Variants in PPFIA2 observed in about 807,000 individuals in gnomAD.
The protein encoded by PPFIA2 is PPFI scaffold protein A2, also known as liprin-alpha-2.
A neutral mutation model predicts 175.5 loss-of-function variants in PPFIA2; 46 were observed. That is an observed-to-expected ratio of 0.26 (90% CI 0.21 to 0.34). PPFIA2 has a LOEUF of 0.34. Among genes scored for constraint, PPFIA2 ranks in the 10% least tolerant of loss-of-function variants. PPFIA2 has a pLI of 1.00. For synonymous variants in PPFIA2, 568 were observed against 511.4 expected (o/e 1.11, Z -1.49); for missense variants, 1,179 against 1,506.1 (o/e 0.78, Z 3.60).
chr12:81,362,172 C>T (rs1595564922), intron 15 of PPFIA2, among the ~76,000 whole-genome samples: 2 of 149,032 alleles, frequency 1.3e-5, no homozygotes, highest in African/African-American at 2.4e-5. Flanking sequence ...TTATCTGATT[C>T]ATTTCTCTTT....
At chr12:81,659,410 C>T (rs1447804319) in intron 4 of PPFIA2, among the ~76,000 whole-genome samples, 1 of 152,212 alleles carries the variant, frequency 6.6e-6, no homozygotes, top group Non-Finnish European at 1.5e-5. Context: ...AGATTATATC[C>T]TTCACCTGGC....
chr12:81,407,613 T>C (rs1465153475), intron 7 of PPFIA2, among the ~76,000 whole-genome samples: 1 of 152,208 alleles, frequency 6.6e-6, no homozygotes, highest in Non-Finnish European at 1.5e-5. Context: ...TATACTGTCC[T>C]ACTTGAGCCC....
chr12:81,686,026 C>A (rs554143234), intron 3 of PPFIA2, among the ~76,000 whole-genome samples: 1 of 152,008 alleles, frequency 6.6e-6, no homozygotes, highest in African/African-American at 2.4e-5. Flanking sequence ...GTATTCAAAC[C>A]AAAGAGGCTG....
intron 4 of PPFIA2, among the ~76,000 whole-genome samples, chr12:81,621,268 G>C (rs773903075): frequency 2.6e-5 from 4 of 152,188 alleles, no homozygotes; most frequent in Non-Finnish European, 5.9e-5. Context: ...GCTAGGGTGT[G>C]ACTGAAGAAG....
intron 3 of PPFIA2, among the ~76,000 whole-genome samples, chr12:81,708,046 T>G (rs1445780514): frequency 1.5e-5 from 2 of 136,828 alleles, no homozygotes; most frequent in Non-Finnish European, 3.2e-5. Flanking sequence ...GGGGGAGGGA[T>G]AGCATTGGGA....
intron 2 of PPFIA2, 108 bp from the exon 3 acceptor site, chr12:81,754,331 C>A (rs2084308975): frequency 2.2e-6 from 3 of 1,345,824 alleles, no homozygotes; most frequent in Non-Finnish European, 3.0e-6. Context: ...CTATTTGTCT[C>A]TATTTCCCCT....
chr12:81,416,990 T>C (rs1398130867), intron 7 of PPFIA2, among the ~76,000 whole-genome samples: 1 of 151,776 alleles, frequency 6.6e-6, no homozygotes, highest in Non-Finnish European at 1.5e-5. Context: ...GAAATGTTAA[T>C]ATATGACTAA....
At chr12:81,367,873 T>G in intron 13 of PPFIA2, among the ~76,000 whole-genome samples, 1 of 151,704 alleles carries the variant, frequency 6.6e-6, no homozygotes, top group East Asian at 1.9e-4. Context: ...AGAATAAAAT[T>G]AAACTAAGAG....
At chr12:81,300,419 T>C (rs2047526600) in intron 22 of PPFIA2, among the ~76,000 whole-genome samples, 1 of 152,232 alleles carries the variant, frequency 6.6e-6, no homozygotes. Flanking sequence ...TATTTTCTAC[T>C]ATTAATCAAT....
intron 4 of PPFIA2, among the ~76,000 whole-genome samples, chr12:81,493,783 T>TAG (rs1361955729): frequency 1.3e-4 from 17 of 135,960 alleles, no homozygotes; most frequent in Middle Eastern, 3.9e-3. Flanking sequence ...TATATATATA[T>TAG]ATATACACAT....
At chr12:81,417,025 G>A (rs1454489796) in intron 7 of PPFIA2, among the ~76,000 whole-genome samples, 2 of 151,618 alleles carry the variant, frequency 1.3e-5, no homozygotes, top group African/African-American at 2.4e-5. Flanking sequence ...TTTACTTTAT[G>A]TATGCTAAGA....
intron 4 of PPFIA2, among the ~76,000 whole-genome samples, chr12:81,518,028 A>G (rs1446657271): frequency 6.6e-6 from 1 of 152,118 alleles, no homozygotes; most frequent in Admixed American, 6.5e-5. Context: ...AACATGGCAC[A>G]TGTATACATA....
rs1363065600 is a variant in PPFIA2, at chr12:81,353,318, C to G, written c.1795G>C (p.Glu599Gln). 3.1e-6 allele frequency: 5 copies of G among 1,613,152 alleles called. No individual in the cohort carries two copies. The South Asian group carries it at 3.3e-5, about 11-fold the overall frequency. ...CCAATCTGTTGAGTTCTATTCCACT[C>G]GTGATCCCCAAGAGATTTCACCTGA... ...EPKVKSLGDH[E>Q]WNRTQQIGVL... is the part of the protein sequence containing the mutation. Residue 599 changes from glutamate (E) to glutamine (Q), a missense_variant, in exon 17 of 33, where the codon GAG becomes CAG. Physicochemically the swap from Glu to Gln is conservative, Grantham distance 29. This residue lies in a region of PPFIA2 where 186 missense variants were observed against 163.6 expected (regional missense o/e 1.14). Transcript: ENST00000549396.
chr12:81,665,486 A>G (rs2070000212), intron 4 of PPFIA2, among the ~76,000 whole-genome samples: 1 of 151,968 alleles, frequency 6.6e-6, no homozygotes, highest in South Asian at 2.1e-4. Flanking sequence ...ATTTAACATA[A>G]TTTAAATTTT....
intron 3 of PPFIA2, among the ~76,000 whole-genome samples, chr12:81,744,515 C>G (rs1922543): frequency 1 from 151,250 of 151,626 alleles, 75,440 homozygotes; most frequent in Middle Eastern, 1. Context: ...CTCTGACTCC[C>G]GGGTTCAAGC....
At chr12:81,710,895 C>T (rs1434605229) in intron 3 of PPFIA2, among the ~76,000 whole-genome samples, 1 of 151,166 alleles carries the variant, frequency 6.6e-6, no homozygotes, top group Admixed American at 6.8e-5. Context: ...TATGTATATC[C>T]ACCTGAATTT....
intron 8 of PPFIA2, among the ~76,000 whole-genome samples, chr12:81,397,739 G>C (rs1418322029): frequency 2.0e-5 from 3 of 152,026 alleles, no homozygotes; most frequent in Non-Finnish European, 4.4e-5. Context: ...GCCTGTTTGG[G>C]ACCAGACTTC....
chr12:81,460,938 T>C (rs540092024), intron 4 of PPFIA2, among the ~76,000 whole-genome samples: 8 of 152,240 alleles, frequency 5.3e-5, no homozygotes, highest in African/African-American at 1.9e-4. Context: ...TAACTCATAC[T>C]GGGTGATTAC....
intron 4 of PPFIA2, among the ~76,000 whole-genome samples, chr12:81,495,807 C>T (rs973531364): frequency 6.6e-6 from 1 of 152,150 alleles, no homozygotes; most frequent in Non-Finnish European, 1.5e-5. Flanking sequence ...ACAGTAAGAT[C>T]CTGTTTCCAA....
Sources: allele counts gnomAD v4.1 joint callset (sites outside exome capture counted in the v4.1 genomes callset), GRCh38; gene constraint gnomAD v4.1.1; regional missense constraint gnomAD v4.1.1; transcripts MANE v1.5; gene names NCBI Gene and HGNC (gene_info 2026-07-23, HGNC 2026-07-21).